TOGARAM1: variants seen among roughly 807,000 people sequenced by gnomAD.
The protein encoded by TOGARAM1 is TOG array regulator of axonemal microtubules protein 1.
In TOGARAM1, 100 loss-of-function variants were observed where a neutral mutation model predicts 166.6. The observed-to-expected ratio is 0.60, with a 90% confidence interval of 0.51 to 0.71. TOGARAM1 has a LOEUF of 0.71. Among genes scored for constraint, TOGARAM1 ranks in the 30% least tolerant of loss-of-function variants. The probability of loss-of-function intolerance (pLI) is 0.00; values close to 1 mark genes in which losing one functional copy is unlikely to be tolerated. For missense variants in TOGARAM1, 2,029 were observed against 2,102.7 expected (o/e 0.96, Z 0.69); for synonymous variants, 758 against 763.8 (o/e 0.99, Z 0.13).
Position 45,046,577 on chromosome 14 carries a change from C to T in TOGARAM1, c.4187C>T (p.Ala1396Val). The T allele has an allele frequency of 7.3e-7, 1 of 1,378,092 alleles. No homozygotes were observed. Among genetic ancestry groups the T allele is most frequent in the Non-Finnish European group, 9.4e-7 (1 of 1,058,976 alleles). 85.4% of individuals were successfully genotyped at this position (1,378,092 alleles called of 1,614,324 possible). Residue 1396 changes from alanine to valine, a missense_variant, in exon 14 of 20, where the codon GCC becomes GTC. Transcript: ENST00000361462. ...CACATTGCTGTAAGAAGGTGTACAG[C>T]CCAGCATTTATCAGATGTATTGGAA... ...HLHIAVRRCT[A>V]QHLSDVLEFM...
intron 4 of TOGARAM1, among the ~76,000 whole-genome samples, chr14:45,005,142 C>T (rs868299979): frequency 5.3e-5 from 8 of 151,250 alleles, no homozygotes; most frequent in African/African-American, 1.5e-4. Flanking sequence ...CTCAAACTCC[C>T]GACCTCAGGT....
rs1166535894 is a variant in TOGARAM1, at chr14:44,963,418, G to T, written c.997G>T (p.Asp333Tyr). 6.2e-7 allele frequency: 1 copy of T among 1,614,162 alleles called. No homozygotes were observed. Among genetic ancestry groups the T allele is most frequent in the Non-Finnish European group, 8.5e-7 (1 of 1,180,034 alleles). Residue 333 changes from aspartate (D) to tyrosine (Y), a missense_variant, in exon 1 of 20, where the codon GAT (aspartate) becomes TAT (tyrosine). Physicochemically the swap from Asp to Tyr is radical, Grantham distance 160. Around this residue, in one of 2 missense-constraint regions of TOGARAM1, gnomAD observed 1,453 missense variants for 1,432.2 expected, o/e 1.01. Coordinates refer to ENST00000361462, the MANE Select transcript of TOGARAM1 (RefSeq NM_001308120.2). ...LELEASGFPEDPLPCAVTLSN... is the reference protein window; with the variant it reads ...LELEASGFPEYPLPCAVTLSN... ...ACTTGAAGCCTCTGGATTTCCTGAA[G>T]ATCCCCTTCCCTGTGCAGTGACTCT...
chr14:45,005,909 T>C (rs991519910), intron 4 of TOGARAM1, 99 bp from the exon 5 acceptor site: 2 of 1,115,292 alleles, frequency 1.8e-6, no homozygotes, highest in South Asian at 2.0e-5. Context: ...TAATGTGCTT[T>C]TTTTATTTTA....
At position 45,044,876 on chromosome 14, in the gene TOGARAM1, G is replaced by A. The variant is rs769606484; in HGVS notation, c.4154+6G>A. 9.4e-6 allele frequency: 15 copies of A among 1,588,468 alleles called. No homozygotes were observed. The highest frequency in any genetic ancestry group is 5.4e-5 in the African/African-American group (4 of 74,090). ...CTTATCAATGGTGGACAAAGGTAATGTTCAAAATAACCTTGAAATGTCTTT... is the reference window on the plus strand; with the variant it reads ...CTTATCAATGGTGGACAAAGGTAATATTCAAAATAACCTTGAAATGTCTTT... On this transcript the variant is annotated splice_donor_region_variant and intron_variant, in intron 13 of 19. Coordinates refer to ENST00000361462, the MANE Select transcript of TOGARAM1 (RefSeq NM_001308120.2).
intron 3 of TOGARAM1, among the ~76,000 whole-genome samples, chr14:45,000,281 G>T (rs1045238621): frequency 6.6e-6 from 1 of 152,154 alleles, no homozygotes; most frequent in African/African-American, 2.4e-5. Context: ...TTATAGGCAT[G>T]AGCCACTGTG....
chr14:44,985,044 C>T (rs549864258), intron 1 of TOGARAM1, among the ~76,000 whole-genome samples: 3 of 151,394 alleles, frequency 2.0e-5, no homozygotes, highest in Admixed American at 6.6e-5. Flanking sequence ...GATGGAGTCT[C>T]GCTCTGTCAC....
At chr14:45,062,502 A>G (rs1441948886) in intron 16 of TOGARAM1, among the ~76,000 whole-genome samples, 1 of 152,134 alleles carries the variant, frequency 6.6e-6, no homozygotes, top group Non-Finnish European at 1.5e-5. Context: ...CACCTACTAT[A>G]TAATTCATCT....
intron 3 of TOGARAM1, among the ~76,000 whole-genome samples, chr14:45,002,572 A>T (rs1338009074): frequency 1.3e-5 from 2 of 152,142 alleles, no homozygotes; most frequent in Admixed American, 1.3e-4. Context: ...ATCCCAATTT[A>T]CATATTGTAG....
At chr14:45,030,048 C>G (rs1881069963) in intron 10 of TOGARAM1, among the ~76,000 whole-genome samples, 1 of 152,110 alleles carries the variant, frequency 6.6e-6, no homozygotes. Context: ...TCTCGAACTC[C>G]TGACCTCGTG....
intron 18 of TOGARAM1, among the ~76,000 whole-genome samples, chr14:45,069,666 T>C (rs1215463953): frequency 6.6e-6 from 1 of 152,144 alleles, no homozygotes; most frequent in Non-Finnish European, 1.5e-5. Flanking sequence ...GTTAAGGCCA[T>C]GATCACCACA....
At chr14:45,050,906 C>T (rs1041162491) in intron 14 of TOGARAM1, among the ~76,000 whole-genome samples, 5 of 152,184 alleles carry the variant, frequency 3.3e-5, no homozygotes, top group Admixed American at 2.0e-4. Flanking sequence ...TGAGCCACCA[C>T]GCCCAGCCTC....
At chr14:44,991,495 T>C (rs1263019944) in intron 1 of TOGARAM1, among the ~76,000 whole-genome samples, 2 of 152,136 alleles carry the variant, frequency 1.3e-5, no homozygotes, top group African/African-American at 4.8e-5. Flanking sequence ...TTAAAGATAA[T>C]TTATGTCCTT....
At chr14:44,971,263 C>T (rs1026610699) in intron 1 of TOGARAM1, among the ~76,000 whole-genome samples, 3 of 152,100 alleles carry the variant, frequency 2.0e-5, no homozygotes, top group Admixed American at 6.5e-5. Flanking sequence ...TTATCCATAT[C>T]TTCTTGTGTG....
At chr14:45,035,000 G>T (rs948655491) in intron 11 of TOGARAM1, among the ~76,000 whole-genome samples, 3 of 152,114 alleles carry the variant, frequency 2.0e-5, no homozygotes, top group Non-Finnish European at 2.9e-5. Context: ...CAAGTAAAGA[G>T]ATATAATATA....
chr14:45,073,232 A>C, intron 19 of TOGARAM1, 64 bp from the exon 20 acceptor site: 2 of 1,464,096 alleles, frequency 1.4e-6, no homozygotes, highest in Non-Finnish European at 1.8e-6. Context: ...GTTGCTTTTT[A>C]TTTAGCAGAG....
chr14:45,058,193 C>A (rs1882732342), intron 16 of TOGARAM1, among the ~76,000 whole-genome samples: 1 of 151,866 alleles, frequency 6.6e-6, no homozygotes, highest in Non-Finnish European at 1.5e-5. Context: ...TCATTATCAT[C>A]CCTTCTTTGT....
At chr14:45,072,415 C>T (rs944742612) in intron 19 of TOGARAM1, among the ~76,000 whole-genome samples, 3 of 151,656 alleles carry the variant, frequency 2.0e-5, no homozygotes, top group Admixed American at 6.6e-5. Context: ...AAGACGGAGT[C>T]TCTGGAACTT....
At chr14:45,012,148 G>A in intron 7 of TOGARAM1, 73 bp downstream of exon 7, 2 of 997,078 alleles carry the variant, frequency 2.0e-6, no homozygotes, top group Non-Finnish European at 2.9e-6. Flanking sequence ...GATAGCAAGT[G>A]CATTTCAGAT....
chr14:45,056,024 T>C (rs1016028139), intron 16 of TOGARAM1, among the ~76,000 whole-genome samples: 4 of 152,014 alleles, frequency 2.6e-5, no homozygotes, highest in Non-Finnish European at 5.9e-5. Flanking sequence ...GTTTTTCCAT[T>C]TGTTTGTGTC....
Sources: allele counts gnomAD v4.1 joint callset (sites outside exome capture counted in the v4.1 genomes callset), GRCh38; gene constraint gnomAD v4.1.1; regional missense constraint gnomAD v4.1.1; transcripts MANE v1.5; gene names NCBI Gene and HGNC (gene_info 2026-07-23, HGNC 2026-07-21).